Variants in BBX observed in about 807,000 individuals in gnomAD.
BBX encodes HMG box transcription factor BBX.
A neutral mutation model predicts 100.2 loss-of-function variants in BBX; 30 were observed. That is an observed-to-expected ratio of 0.30 (90% CI 0.22 to 0.41). The LOEUF is 0.41. Ranked by LOEUF, BBX falls within the 10% of genes least tolerant of loss-of-function variation. The probability of loss-of-function intolerance (pLI) is 1.00; values close to 1 mark genes in which losing one functional copy is unlikely to be tolerated. For synonymous variants in BBX, 376 were observed against 388.1 expected (o/e 0.97, Z 0.37); for missense variants, 1,023 against 1,129.8 (o/e 0.91, Z 1.35).
intron 9 of BBX, among the ~76,000 whole-genome samples, chr3:107,750,362 G>A (rs1301133044): frequency 6.6e-6 from 1 of 152,126 alleles, no homozygotes; most frequent in African/African-American, 2.4e-5. Flanking sequence ...AGGCATGTAT[G>A]ACAGAAAGAC....
At chr3:107,667,050 C>T (rs1227201059) in intron 3 of BBX, among the ~76,000 whole-genome samples, 2 of 152,184 alleles carry the variant, frequency 1.3e-5, no homozygotes, top group Non-Finnish European at 2.9e-5. Context: ...GTTAAGGAAA[C>T]GTATTATGCC....
chr3:107,778,542 C>T, intron 13 of BBX, 23 bp downstream of exon 13: 1 of 1,608,614 alleles, frequency 6.2e-7, no homozygotes, highest in Non-Finnish European at 8.5e-7. Context: ...CTGTACCTTC[C>T]TGCCATGTGG....
chr3:107,773,642 T>G lies in BBX; in HGVS notation c.1915+6T>G, dbSNP rs777953118. 2.2e-5 allele frequency: 35 copies of G among 1,596,218 alleles called. No individual in the cohort carries two copies. The highest frequency in any genetic ancestry group is 2.9e-5 in the Non-Finnish European group (34 of 1,173,552). On this transcript the variant is annotated splice_donor_region_variant and intron_variant, in intron 11 of 17. Coordinates refer to ENST00000325805, the MANE Select transcript of BBX (RefSeq NM_001142568.3). The surrounding 1 kb of genome is among the most constrained non-coding windows in gnomAD (Gnocchi z 4.1). ...GCGAGCTAATGTTGACAGAGGTAAG[T>G]AACTTCTACAAACCTGAAAAGAATT... is the stretch of plus-strand genomic sequence containing the variant.
rs573540225 is a variant in BBX at position 107,679,168 on chromosome 3, G to A, written c.-9-31284G>A. Reference sequence around the variant, plus strand: ...AAAAAAAAAAAAGCCAAAGATTTGTGTAGTTCTTTTGAAATGGCGTCTGTG... The same window carrying A: ...AAAAAAAAAAAAGCCAAAGATTTGTATAGTTCTTTTGAAATGGCGTCTGTG... On this transcript the variant is annotated intron_variant, in intron 3 of 17. Coordinates refer to ENST00000325805, the MANE Select transcript of BBX (RefSeq NM_001142568.3). Among the ~76,000 whole-genome samples the A allele has an allele frequency of 4.0e-5, 6 of 150,710 alleles. No individual in the cohort carries two copies. The East Asian group carries it at 1.2e-3, about 29-fold the overall frequency.
intron 2 of BBX, among the ~76,000 whole-genome samples, chr3:107,625,757 G>A (rs895623458): frequency 6.6e-6 from 1 of 152,090 alleles, no homozygotes; most frequent in Non-Finnish European, 1.5e-5. Flanking sequence ...CCATATAGGT[G>A]CCTTCATCTA....
intron 7 of BBX, among the ~76,000 whole-genome samples, chr3:107,739,868 T>G (rs577458116): frequency 6.6e-6 from 1 of 152,256 alleles, no homozygotes; most frequent in South Asian, 2.1e-4. Context: ...AGAAAGGTGA[T>G]CGGAGTTATC....
chr3:107,569,309 G>A (rs74364444), intron 2 of BBX, among the ~76,000 whole-genome samples: 4,114 of 152,172 alleles, frequency 0.027, 86 homozygotes, highest in Non-Finnish European at 0.04. Context: ...AACTTACCAC[G>A]TTAACAGTAT....
chr3:107,807,608 G>A lies in BBX; in HGVS notation c.*2151G>A, dbSNP rs554716746. 6 of 151,748 alleles carry A rather than the reference G, an allele frequency of 4.0e-5. No individual in the cohort carries two copies. The highest frequency in any genetic ancestry group is 1.5e-4 in the African/African-American group (6 of 41,378). 9.4% of individuals were successfully genotyped at this position (151,748 alleles called of 1,614,324 possible). On this transcript the variant is annotated 3_prime_UTR_variant, in exon 18 of 18. Coordinates refer to ENST00000325805, the MANE Select transcript of BBX (RefSeq NM_001142568.3). ...ACTAACTTGTTATTCTATAGAACACGTTAGAATAGATCTATTTTTGCCAGA... is the reference window on the plus strand; with the variant it reads ...ACTAACTTGTTATTCTATAGAACACATTAGAATAGATCTATTTTTGCCAGA...
At chr3:107,793,269 A>G (rs1279103540) in intron 15 of BBX, among the ~76,000 whole-genome samples, 1 of 152,162 alleles carries the variant, frequency 6.6e-6, no homozygotes, top group Non-Finnish European at 1.5e-5. Context: ...TGAGTCTTAC[A>G]GGCAGTCCCA....
intron 9 of BBX, among the ~76,000 whole-genome samples, chr3:107,751,404 C>T (rs983843492): frequency 6.6e-6 from 1 of 152,270 alleles, no homozygotes; most frequent in Middle Eastern, 3.4e-3. Flanking sequence ...TCTTTTAACA[C>T]TGGGAAAAAG....
chr3:107,626,171 C>T (rs372125749), intron 2 of BBX, among the ~76,000 whole-genome samples: 1 of 152,018 alleles, frequency 6.6e-6, no homozygotes, highest in South Asian at 2.1e-4. Flanking sequence ...ATTTAACAAG[C>T]AAAGCTAGAA....
chr3:107,672,008 A>G (rs1559946047), intron 3 of BBX, among the ~76,000 whole-genome samples: 2 of 152,076 alleles, frequency 1.3e-5, no homozygotes, highest in Non-Finnish European at 1.5e-5. Context: ...CGTTGATAAA[A>G]TGAATTTTTG....
Position 107,798,577 on chromosome 3 carries a change from T to C in BBX, c.2408T>C (p.Ile803Thr). The C allele has an allele frequency of 1.2e-6, 2 of 1,613,990 alleles. No individual in the cohort carries two copies. The highest frequency in any genetic ancestry group is 1.7e-6 in the Non-Finnish European group (2 of 1,179,950). Residue 803 changes from isoleucine (I) to threonine (T), a missense_variant, in exon 16 of 18, where the codon ATC becomes ACC. Ile to Thr is a moderately conservative substitution (Grantham distance 89). This residue lies in a region of BBX where 215 missense variants were observed against 211.3 expected (regional missense o/e 1.02). Coordinates refer to ENST00000325805, the MANE Select transcript of BBX (RefSeq NM_001142568.3). ...GAGCCTGTTCATAAGGTTAAAAATA[T>C]CCCATCCATTTTCAACACTCCAGAG... The part of the protein sequence containing the change: ...TMEPVHKVKN[I>T]PSIFNTPEPT...
chr3:107,559,400 A>G (rs905498849), intron 2 of BBX, among the ~76,000 whole-genome samples: 1 of 152,224 alleles, frequency 6.6e-6, no homozygotes, highest in Non-Finnish European at 1.5e-5. Context: ...AAGAAGCAGT[A>G]CAGAAGTTGG....
chr3:107,542,990 T>TATA (rs1484302322), intron 2 of BBX, among the ~76,000 whole-genome samples: 9 of 152,182 alleles, frequency 5.9e-5, no homozygotes, highest in African/African-American at 2.2e-4. Flanking sequence ...ACACAGTTGC[T>TATA]CCTCAGTAGC....
chr3:107,580,575 A>G (rs547698455), intron 2 of BBX, among the ~76,000 whole-genome samples: 1 of 152,308 alleles, frequency 6.6e-6, no homozygotes, highest in Non-Finnish European at 1.5e-5. Context: ...TATGACTCAT[A>G]TGTAGGTAAG....
At chr3:107,681,847 T>A (rs1380415065) in intron 3 of BBX, among the ~76,000 whole-genome samples, 1 of 152,140 alleles carries the variant, frequency 6.6e-6, no homozygotes, top group Non-Finnish European at 1.5e-5. Flanking sequence ...TATTTCTCCC[T>A]GTCAGTAAAG....
chr3:107,558,949 A>C (rs1221707232), intron 2 of BBX, among the ~76,000 whole-genome samples: 1 of 152,178 alleles, frequency 6.6e-6, no homozygotes, highest in Non-Finnish European at 1.5e-5. Flanking sequence ...ATGTCATTTG[A>C]TTTTGCTTTG....
intron 2 of BBX, among the ~76,000 whole-genome samples, chr3:107,530,648 A>G (rs2048096172): frequency 1.3e-5 from 2 of 152,200 alleles, no homozygotes; most frequent in South Asian, 4.1e-4. Flanking sequence ...AAGGCCAATA[A>G]CCTACTTTAG....
Sources: gnomAD v4.1 joint callset for allele counts (sites outside exome capture counted in the v4.1 genomes callset) on GRCh38, gnomAD v4.1.1 for gene constraint, gnomAD v4.1.1 regional missense constraint, Gnocchi (gnomAD v3.1) non-coding constraint, MANE v1.5 for transcripts, NCBI Gene and HGNC (gene_info 2026-07-23, HGNC 2026-07-21) for gene names.